PWWP3A: variants seen among roughly 807,000 people sequenced by gnomAD.
PWWP3A encodes PWWP domain-containing DNA repair factor 3A.
PWWP3A carries 53 observed loss-of-function variants against 79.0 expected under a neutral mutation model. The ratio of observed to expected loss-of-function variants is 0.67; its 90% CI spans 0.54 to 0.84. The LOEUF is 0.84. Ranked by LOEUF, PWWP3A falls within the 40% of genes least tolerant of loss-of-function variation. The pLI, the probability that PWWP3A is intolerant of heterozygous loss-of-function variation, is 0.00. For synonymous variants in PWWP3A, 443 were observed against 394.4 expected (o/e 1.12, Z -1.46); for missense variants, 973 against 948.0 (o/e 1.03, Z -0.35).
intron 6 of PWWP3A, among the ~76,000 whole-genome samples, 186 bp downstream of exon 6, chr19:1,362,537 T>C (rs2082041137): frequency 6.6e-6 from 1 of 152,122 alleles, no homozygotes; most frequent in Non-Finnish European, 1.5e-5. Flanking sequence ...ATCTTAAGAA[T>C]AACCTACACA....
Position 1,356,377 on chromosome 19 carries a change from C to T in PWWP3A, c.-16C>T. 1 of 1,614,032 alleles carries T rather than the reference C, an allele frequency of 6.2e-7. No homozygotes were observed. Among genetic ancestry groups the T allele is most frequent in the African/African-American group, 1.3e-5 (1 of 75,034 alleles). ...GTTGTGCCAAATCATTGCCACTTGC[C>T]ACATGAGTGTAAATGATGGCGGATG... On this transcript the variant is annotated 5_prime_UTR_variant, in exon 2 of 14. Coordinates refer to ENST00000591337, the MANE Select transcript of PWWP3A (RefSeq NM_001369789.1).
rs963697098 is a variant in PWWP3A at position 1,370,554 on chromosome 19, A to G, written c.1550-88A>G. ...GCTAGGGTCTGCCCCCATCCCTGCC[A>G]TGTCGCAGCCTCCCATCGGCCCTGA... On this transcript the variant is annotated intron_variant, in intron 11 of 13. Coordinates refer to ENST00000591337, the MANE Select transcript of PWWP3A (RefSeq NM_001369789.1). 8 of 1,235,258 alleles carry G rather than the reference A, an allele frequency of 6.5e-6. No individual in the cohort carries two copies. In the Admixed American group the frequency reaches 1.9e-4, roughly 29 times the overall value. The allele number at this position is 1,235,258 out of a possible 1,614,324, so 76.5% of individuals were successfully genotyped here. A position where few individuals can be genotyped will look rare whatever the true frequency, so the allele number is the denominator to read the frequency against.
chr19:1,376,142 T>A (rs919937740), intron 13 of PWWP3A, among the ~76,000 whole-genome samples: 26 of 144,992 alleles, frequency 1.8e-4, no homozygotes, highest in East Asian at 8.2e-4. Flanking sequence ...TTTTTTTTTT[T>A]AGAGACAGAA....
intron 13 of PWWP3A, among the ~76,000 whole-genome samples, chr19:1,375,072 A>C (rs1353268813): frequency 6.6e-6 from 1 of 151,468 alleles, no homozygotes; most frequent in African/African-American, 2.4e-5. Flanking sequence ...AAAAAAAAAA[A>C]ACCAAGCATG....
At chr19:1,361,794 T>C (rs2247675) in intron 5 of PWWP3A, 119,568 of 162,984 alleles carry the variant, frequency 0.73, 44,153 homozygotes, top group Middle Eastern at 0.83. Flanking sequence ...TATCCGCACC[T>C]CTGTCCTGTT....
At position 1,360,783 on chromosome 19, in the gene PWWP3A, C is replaced by T. The variant is rs766444255; in HGVS notation, c.862C>T (p.Pro288Ser). ...GSLTAPPAPE[P>S]SACSEPGECP... ...CCTCACTGCGCCCCCAGCCCCTGAG[C>T]CCTCGGCCTGCTCAGAGCCTGGAGA... is the stretch of plus-strand genomic sequence containing the variant. Residue 288 changes from proline (P) to serine (S), a missense_variant, in exon 5 of 14, where the codon CCC becomes TCC. Physicochemically the swap from Pro to Ser is moderately conservative, Grantham distance 74. Transcript: ENST00000591337. The surrounding 1 kb of genome is among the most constrained non-coding windows in gnomAD (Gnocchi z 4.4). The T allele has an allele frequency of 1.2e-5, 20 of 1,606,962 alleles. No homozygotes were observed. Among genetic ancestry groups the T allele is most frequent in the Non-Finnish European group, 1.7e-6 (2 of 1,176,960 alleles).
chr19:1,356,144 C>T, intron 1 of PWWP3A, 180 bp from the exon 2 acceptor site: 1 of 550,210 alleles, frequency 1.8e-6, no homozygotes, highest in Non-Finnish European at 3.3e-6. Context: ...CCCTGGATAC[C>T]GAGCCCCGTC....
At position 1,367,227 on chromosome 19, in the gene PWWP3A, G is replaced by C. The variant is rs11668809; in HGVS notation, c.1422+7G>C. On this transcript the variant is annotated splice_region_variant and intron_variant, in intron 9 of 13. Transcript: ENST00000591337. ...AGAGAAACAGACGCTTCTGGTAGGT[G>C]GATGATGTTTTGTGCTTGCTTTAAA... 4 of 1,610,402 alleles carry C rather than the reference G, an allele frequency of 2.5e-6. No homozygotes were observed. The highest frequency in any genetic ancestry group is 1.7e-5 in the Admixed American group (1 of 59,544).
chr19:1,371,043 C>T lies in PWWP3A; in HGVS notation c.1951C>T (p.Arg651Trp), dbSNP rs767757831. The change falls in exon 12 of 14, where the codon CGG becomes TGG. Residue 651 changes from arginine to tryptophan, a missense_variant. Transcript: ENST00000591337. ...AKVLQRTNGD[R>W]IRFILDVLLP... is the part of the protein sequence containing the mutation. ...GGTGCTCCAGCGCACCAACGGCGAC[C>T]GGATCCGGTTCATTCTGGACGTGCT... The T allele has an allele frequency of 4.3e-5, 67 of 1,572,046 alleles. No homozygotes were observed. The highest frequency in any genetic ancestry group is 3.3e-4 in the Middle Eastern group (2 of 6,026).
At chr19:1,356,078 T>G (rs1018898442) in intron 1 of PWWP3A, among the ~76,000 whole-genome samples, 1 of 152,272 alleles carries the variant, frequency 6.6e-6, no homozygotes, top group South Asian at 2.1e-4. Context: ...CTGATCTAGA[T>G]AGAACCTTTG....
intron 12 of PWWP3A, among the ~76,000 whole-genome samples, chr19:1,371,663 G>A (rs2082262933): frequency 6.6e-6 from 1 of 151,996 alleles, no homozygotes; most frequent in South Asian, 2.1e-4. Context: ...GTGTACATCT[G>A]TGGGAAAAAA....
intron 2 of PWWP3A, 27 bp downstream of exon 2, chr19:1,356,476 G>A (rs1431205376): frequency 6.2e-7 from 1 of 1,611,240 alleles, no homozygotes; most frequent in Non-Finnish European, 8.5e-7. Context: ...TGTAACTTCA[G>A]GACTTAGAAA....
intron 7 of PWWP3A, 147 bp from the exon 8 acceptor site, chr19:1,366,158 A>T: frequency 1.3e-6 from 1 of 752,856 alleles, no homozygotes. Flanking sequence ...GCCGTTTCTC[A>T]GCGCCTCCTT....
intron 12 of PWWP3A, 62 bp from the exon 13 acceptor site, chr19:1,373,010 G>A (rs1273132555): frequency 6.7e-6 from 10 of 1,499,776 alleles, no homozygotes; most frequent in South Asian, 2.3e-5. Flanking sequence ...CTTCTTAACC[G>A]CAGGCCACTT....
intron 5 of PWWP3A, 34 bp downstream of exon 5, chr19:1,361,066 G>A (rs1439573049): frequency 7.1e-6 from 10 of 1,412,050 alleles, no homozygotes; most frequent in Non-Finnish European, 9.2e-6. Flanking sequence ...AGAGCGCAGA[G>A]GGTGGAGTCC....
intron 6 of PWWP3A, among the ~76,000 whole-genome samples, chr19:1,362,554 C>T (rs72983505): frequency 0.035 from 5,398 of 152,308 alleles, 187 homozygotes; most frequent in Non-Finnish European, 0.047. Context: ...CACAAAGGGA[C>T]GAGAGACTCC....
At chr19:1,371,333 CA>C (rs1362293555) in intron 12 of PWWP3A, 1 of 706,764 alleles carries the variant, frequency 1.4e-6, no homozygotes, top group Non-Finnish European at 2.6e-6. Context: ...CTGTCAGCAC[CA>C]GGGGGTGCGA....
At chr19:1,356,579 C>A in intron 2 of PWWP3A, 130 bp downstream of exon 2, 2 of 820,114 alleles carry the variant, frequency 2.4e-6, no homozygotes, top group South Asian at 1.7e-5. Context: ...GGCACTGATT[C>A]TCGTTCCCCA....
rs573746989 is a variant in PWWP3A, at chr19:1,368,438, A to T, written c.1423-827A>T. On this transcript the variant is annotated intron_variant, in intron 9 of 13. Coordinates refer to ENST00000591337, the MANE Select transcript of PWWP3A (RefSeq NM_001369789.1). The surrounding 1 kb of genome is among the most constrained non-coding windows in gnomAD (Gnocchi z 4.7). ...AAGCCCACTTGATTCAGTGGTAGTCACCGTGGCTTCTGAGGGATGATATTG... is the reference window on the plus strand; with the variant it reads ...AAGCCCACTTGATTCAGTGGTAGTCTCCGTGGCTTCTGAGGGATGATATTG... Among the ~76,000 whole-genome samples, 1 of 152,246 alleles carries T rather than the reference A, an allele frequency of 6.6e-6. No individual in the cohort carries two copies. The highest frequency in any genetic ancestry group is 1.5e-5 in the Non-Finnish European group (1 of 67,992).
Sources: allele counts gnomAD v4.1 joint callset (sites outside exome capture counted in the v4.1 genomes callset), GRCh38; gene constraint gnomAD v4.1.1; non-coding constraint Gnocchi (gnomAD v3.1); transcripts MANE v1.5; gene names NCBI Gene and HGNC (gene_info 2026-07-23, HGNC 2026-07-21).